Variants in NBR1 observed in about 807,000 individuals in gnomAD.
NBR1 encodes NBR1 autophagy cargo receptor, also known as next to BRCA1 gene 1 protein.
Under a neutral mutation model 115.5 loss-of-function variants are expected in NBR1, and 59 were observed. The ratio of observed to expected loss-of-function variants is 0.51; its 90% CI spans 0.41 to 0.63. NBR1 has a LOEUF of 0.63. Ranked by LOEUF, NBR1 falls within the 30% of genes least tolerant of loss-of-function variation. The probability of loss-of-function intolerance (pLI) is 0.00; values close to 1 mark genes in which losing one functional copy is unlikely to be tolerated. For synonymous variants in NBR1, 373 were observed against 414.7 expected (o/e 0.90, Z 1.22); for missense variants, 1,043 against 1,150.5 (o/e 0.91, Z 1.35).
At position 43,177,938 on chromosome 17, in the gene NBR1, A is replaced by T; in HGVS notation, c.105A>T (p.Val35=). The change falls in exon 3 of 21, where the codon GTA becomes GTT. Residue 35 remains valine (V), a splice_region_variant and synonymous_variant. Coordinates refer to ENST00000590996, the MANE Select transcript of NBR1 (RefSeq NM_005899.5). ...NTTWADIEAM[V]KVSFDLNTIQ... is the part of the protein sequence containing the mutation. The stretch of plus-strand genomic sequence containing the variant: ...TTAAATATGTATCTCTTTTATAGGT[A>T]AAAGTTTCATTTGATCTGAATACTA... The T allele has an allele frequency of 2.6e-6, 4 of 1,535,836 alleles. No homozygotes were observed. Among genetic ancestry groups the T allele is most frequent in the South Asian group, 1.2e-5 (1 of 86,600 alleles).
At chr17:43,181,999 C>T (rs35292991) in intron 5 of NBR1, among the ~76,000 whole-genome samples, 8 of 150,640 alleles carry the variant, frequency 5.3e-5, no homozygotes, top group Admixed American at 5.3e-4. Context: ...ACAAAAAAAA[C>T]CCAAAAAACT....
chr17:43,186,043 T>G (rs2154582100), intron 5 of NBR1, among the ~76,000 whole-genome samples: 1 of 151,778 alleles, frequency 6.6e-6, no homozygotes, highest in South Asian at 2.1e-4. Flanking sequence ...AATAAATAAA[T>G]AAATAAATTT....
chr17:43,194,279 G>T, intron 12 of NBR1, 71 bp from the exon 13 acceptor site: 4 of 1,357,060 alleles, frequency 2.9e-6, no homozygotes, highest in Admixed American at 2.4e-5. Flanking sequence ...TTTATTTTTG[G>T]GGGCATTGTC....
intron 16 of NBR1, among the ~76,000 whole-genome samples, chr17:43,197,472 T>C (rs1450477455): frequency 6.6e-6 from 1 of 151,766 alleles, no homozygotes; most frequent in Non-Finnish European, 1.5e-5. Flanking sequence ...TGAGCCAAGA[T>C]TGCGCCACTG....
rs2057256141 is a variant in NBR1, at chr17:43,203,787, G to T, written c.2727+1G>T. ...TGCTGGGCCACCAGTCACTGCACAG[G>T]TCAGTGTGTGTGTTTTATTTTCCTG... On this transcript the variant is annotated splice_donor_variant, in intron 20 of 20. Transcript: ENST00000590996. LOFTEE classifies it high-confidence loss of function. 6.4e-7 allele frequency: 1 copy of T among 1,558,140 alleles called. No homozygotes were observed. The highest frequency in any genetic ancestry group is 1.2e-5 in the South Asian group (1 of 86,150).
chr17:43,174,980 C>T (rs1043285366), intron 1 of NBR1, among the ~76,000 whole-genome samples: 1 of 151,240 alleles, frequency 6.6e-6, no homozygotes, highest in Non-Finnish European at 1.5e-5. Context: ...GTGGCGGGCA[C>T]CCCAGCTACT....
intron 5 of NBR1, 146 bp downstream of exon 5, chr17:43,180,963 C>T (rs1341899160): frequency 1.1e-6 from 1 of 872,292 alleles, no homozygotes; most frequent in African/African-American, 1.8e-5. Flanking sequence ...TCTTCACCTC[C>T]CAGGCTTAAG....
intron 16 of NBR1, among the ~76,000 whole-genome samples, chr17:43,197,874 G>A (rs1211082733): frequency 6.6e-6 from 1 of 152,116 alleles, no homozygotes; most frequent in Non-Finnish European, 1.5e-5. Flanking sequence ...TTTATAGGCC[G>A]GGCACAGTGG....
At position 43,202,796 on chromosome 17, in the gene NBR1, G is replaced by T. The variant is rs147706296; in HGVS notation, c.2621+84G>T. On this transcript the variant is annotated intron_variant, in intron 19 of 20. Coordinates refer to ENST00000590996, the MANE Select transcript of NBR1 (RefSeq NM_005899.5). ...TGCTTAAAAGAGCCTCTCACAGTAT[G>T]TACCCATCTTCAGAGAGCAGAGAAG... is the stretch of plus-strand genomic sequence containing the variant. 1.9e-3 allele frequency: 2,060 copies of T among 1,078,158 alleles called. 26 individuals are homozygous for T. In the African/African-American group the frequency reaches 0.028, roughly 15 times the overall value. 66.8% of individuals were successfully genotyped at this position (1,078,158 alleles called of 1,614,324 possible). A position where few individuals can be genotyped will look rare whatever the true frequency, so the allele number is the denominator to read the frequency against.
Position 43,178,131 on chromosome 17 carries a change from A to G in NBR1, c.165+133A>G, listed in dbSNP as rs184918511. On this transcript the variant is annotated intron_variant, in intron 3 of 20. Coordinates refer to ENST00000590996, the MANE Select transcript of NBR1 (RefSeq NM_005899.5). ...TGGTTTAAATATATTTGATAACTGA[A>G]TATTCTAAGAAGACTTGCAGCATCT... 3.1e-3 allele frequency: 3,507 copies of G among 1,124,850 alleles called. 13 individuals are homozygous for G. Among genetic ancestry groups the G allele is most frequent in the Non-Finnish European group, 4.1e-3 (3,247 of 796,234 alleles). 69.7% of individuals were successfully genotyped at this position (1,124,850 alleles called of 1,614,324 possible).
chr17:43,192,044 G>T (rs111899861), intron 10 of NBR1, among the ~76,000 whole-genome samples: 3 of 96,368 alleles, frequency 3.1e-5, no homozygotes, highest in African/African-American at 3.7e-5. Context: ...TTTTTGAGAT[G>T]GAGTCTCGCT....
At chr17:43,177,549 T>C (rs2056547969) in intron 2 of NBR1, among the ~76,000 whole-genome samples, 1 of 141,478 alleles carries the variant, frequency 7.1e-6, no homozygotes, top group Non-Finnish European at 1.5e-5. Flanking sequence ...CATTTGCTGT[T>C]CCCTACCCCA....
intron 20 of NBR1, 162 bp from the exon 21 acceptor site, chr17:43,209,739 A>G: frequency 6.6e-7 from 1 of 1,521,546 alleles, no homozygotes; most frequent in Non-Finnish European, 8.8e-7. Context: ...AACCGTTGGT[A>G]TCAAGTACAC....
chr17:43,194,821 CTCT>C (rs1400738537), intron 13 of NBR1, 140 bp from the exon 14 acceptor site: 3 of 667,970 alleles, frequency 4.5e-6, no homozygotes, highest in Non-Finnish European at 7.8e-6. Context: ...TCCCATTTAA[CTCT>C]TCTTGTTTTC....
intron 20 of NBR1, among the ~76,000 whole-genome samples, chr17:43,206,770 AAAG>A (rs2057326417): frequency 6.6e-6 from 1 of 151,938 alleles, no homozygotes; most frequent in Non-Finnish European, 1.5e-5. Context: ...AAGTGGCTAA[AAAG>A]AAGGATAGGC....
Position 43,200,286 on chromosome 17 carries a change from G to A in NBR1, c.2146G>A (p.Glu716Lys), listed in dbSNP as rs1388401373. The A allele has an allele frequency of 1.3e-6, 2 of 1,551,898 alleles. No homozygotes were observed. The highest frequency in any genetic ancestry group is 3.9e-5 in the Admixed American group (2 of 50,982). The change falls in exon 17 of 21, where the codon GAG (glutamate) becomes AAG (lysine). Residue 716 changes from glutamate (E) to lysine (K), a missense_variant. Glu to Lys is a moderately conservative substitution (Grantham distance 56). Coordinates refer to ENST00000590996, the MANE Select transcript of NBR1 (RefSeq NM_005899.5). ...TGAGGAGGATGAGGAGGAGGAGGAT[G>A]AGCTCAAAGATGAAGTTCAAAGTCA... ...EDEEDEEEED[E>K]LKDEVQSQSS...
At chr17:43,207,246 C>T (rs974606342) in intron 20 of NBR1, among the ~76,000 whole-genome samples, 3 of 152,182 alleles carry the variant, frequency 2.0e-5, no homozygotes, top group African/African-American at 7.2e-5. Flanking sequence ...GTATCTATGA[C>T]GGTTGGCTCC....
intron 7 of NBR1, among the ~76,000 whole-genome samples, chr17:43,189,360 A>G (rs1297269459): frequency 6.6e-6 from 1 of 152,226 alleles, no homozygotes; most frequent in Non-Finnish European, 1.5e-5. Flanking sequence ...CTGCTTGAGA[A>G]AAAGTTAGAA....
rs747225533 is a variant in NBR1, at chr17:43,197,096, G to T, written c.2016G>T (p.Lys672Asn). Residue 672 changes from lysine (K) to asparagine (N), a missense_variant, in exon 16 of 21, where the codon AAG becomes AAT. Transcript: ENST00000590996. ...APDHNPPCRQKSLQMTFALPE... is the reference protein window; with the variant it reads ...APDHNPPCRQNSLQMTFALPE... ...ACCACAACCCTCCTTGCAGACAGAAGTCCTTGCAGAGTGAGTGTCCTTGCA... is the reference window on the plus strand; with the variant it reads ...ACCACAACCCTCCTTGCAGACAGAATTCCTTGCAGAGTGAGTGTCCTTGCA... 6.2e-7 allele frequency: 1 copy of T among 1,613,846 alleles called. No homozygotes were observed. Among genetic ancestry groups the T allele is most frequent in the South Asian group, 1.1e-5 (1 of 91,066 alleles).
Sources: allele counts gnomAD v4.1 joint callset (sites outside exome capture counted in the v4.1 genomes callset), GRCh38; gene constraint gnomAD v4.1.1; transcripts MANE v1.5; gene names NCBI Gene and HGNC (gene_info 2026-07-23, HGNC 2026-07-21).